Variants in ZAN observed in about 807,000 individuals in gnomAD.
ZAN encodes the protein zonadhesin, also known as zonadhesin (gene/pseudogene).
ZAN carries 260 observed loss-of-function variants against 286.2 expected under a neutral mutation model. The ratio of observed to expected loss-of-function variants is 0.91; its 90% confidence interval spans 0.82 to 1.01. The LOEUF (loss-of-function observed/expected upper bound fraction) is 1.01. Among genes scored for constraint, ZAN ranks in the 50% least tolerant of loss-of-function variants. The probability of loss-of-function intolerance (pLI) is 0.00; values close to 1 mark genes in which losing one functional copy is unlikely to be tolerated. For missense variants in ZAN, 3,410 were observed against 3,639.2 expected (o/e 0.94, Z 1.62); for synonymous variants, 1,368 against 1,417.5 (o/e 0.97, Z 0.79).
Position 100,779,709 on chromosome 7 carries a change from AG to A in ZAN, c.6585del (p.Leu2196SerfsTer61). On this transcript the variant is annotated frameshift_variant, in exon 35 of 48. Coordinates refer to ENST00000613979, the MANE Select transcript of ZAN (RefSeq NM_003386.3). LOFTEE classifies it high-confidence loss of function. ...GCCTTCGGGGCCACCTGCCAGAGCC[AG>A]GGGCTCAAGCCCCCACTCTGGAGAA... ...LQAFGATCQS[Q>X]GLKPPLWRNS... 1.3e-6 allele frequency: 2 copies of A among 1,557,578 alleles called. No individual in the cohort carries two copies. The highest frequency in any genetic ancestry group is 1.9e-5 in the Admixed American group (1 of 51,726).
intron 22 of ZAN, 144 bp from the exon 23 acceptor site, chr7:100,765,208 G>T: frequency 1.0e-6 from 1 of 967,498 alleles, no homozygotes; most frequent in Non-Finnish European, 1.5e-6. Context: ...CAGGCTCCTT[G>T]GGGAAGCTTC....
chr7:100,791,035 GC>G lies in ZAN; in HGVS notation c.7452del (p.Ala2485ProfsTer2). The G allele has an allele frequency of 6.2e-7, 1 of 1,613,092 alleles. No individual in the cohort carries two copies. The highest frequency in any genetic ancestry group is 1.1e-5 in the South Asian group (1 of 90,796). ...NRKNDMMLPS[G>X]ALTQNLNTFG... ...AAGAATGACATGATGCTGCCCAGTG[GC>G]GCCCTGACCCAGAACCTCAACACCT... On this transcript the variant is annotated frameshift_variant, in exon 40 of 48. Coordinates refer to ENST00000613979, the MANE Select transcript of ZAN (RefSeq NM_003386.3). LOFTEE classifies it high-confidence loss of function.
At chr7:100,738,727 C>G in intron 7 of ZAN, 114 bp downstream of exon 7, 1 of 1,174,410 alleles carries the variant, frequency 8.5e-7, no homozygotes, top group South Asian at 1.5e-5. Context: ...CTTACCAGCT[C>G]AAGTTTCACG....
At chr7:100,767,307 C>T (rs1810054048) in intron 25 of ZAN, 50 bp downstream of exon 25, 1 of 1,570,510 alleles carries the variant, frequency 6.4e-7, no homozygotes, top group Non-Finnish European at 8.6e-7. Context: ...AGCCTGCTTG[C>T]TTCTCTCCTG....
At position 100,750,688 on chromosome 7, in the gene ZAN, T is replaced by G; in HGVS notation, c.1313T>G (p.Val438Gly). The G allele has an allele frequency of 6.2e-7, 1 of 1,613,282 alleles. No individual in the cohort carries two copies. The highest frequency in any genetic ancestry group is 8.5e-7 in the Non-Finnish European group (1 of 1,179,640). ...CAGGCAGGCCAGTCAGTCAGACTGG[T>G]GAGCCGGCCCTTCTGCGCCCCAGGT... is the stretch of plus-strand genomic sequence containing the variant. ...FSQAGQSVRL[V>G]SRPFCAPGDI... The change falls in exon 12 of 48, where the codon GTG becomes GGG. Residue 438 changes from valine (V) to glycine (G), a missense_variant. Physicochemically the swap from Val to Gly is moderately radical, Grantham distance 109. Around this residue, in one of 7 missense-constraint regions of ZAN, gnomAD observed 872 missense variants for 938.9 expected, o/e 0.93. Coordinates refer to ENST00000613979, the MANE Select transcript of ZAN (RefSeq NM_003386.3).
rs1448121305 is a variant in ZAN, at chr7:100,763,980, TCTACCCC to T, written c.4098-44_4098-38del. The T allele has an allele frequency of 1.2e-6, 2 of 1,613,732 alleles. No individual in the cohort carries two copies. Among genetic ancestry groups the T allele is most frequent in the Admixed American group, 3.3e-5 (2 of 60,018 alleles). On this transcript the variant is annotated intron_variant, in intron 21 of 47. Coordinates refer to ENST00000613979, the MANE Select transcript of ZAN (RefSeq NM_003386.3). This position sits in a 1 kb window ranked among gnomAD's most constrained non-coding sequence, Gnocchi z 4.6. ...CTTGGCACCTGGGCTCCTCCAAGGC[TCTACCCC>T]CTTCCACTGCATTCCCCCTGACTTG...
intron 7 of ZAN, among the ~76,000 whole-genome samples, chr7:100,745,358 CCTTGGACTCGGGCGTGAG>C (rs1364315796): frequency 6.6e-6 from 1 of 151,736 alleles, no homozygotes; most frequent in Non-Finnish European, 1.5e-5. Flanking sequence ...GGCAAGACTC[CCTTGGACTCGGGCGTGAG>C]CACGCACGCG....
chr7:100,790,436 C>G lies in ZAN; in HGVS notation c.7358-506C>G, dbSNP rs1484029294. On this transcript the variant is annotated intron_variant, in intron 39 of 47. Coordinates refer to ENST00000613979, the MANE Select transcript of ZAN (RefSeq NM_003386.3). ...AATTAGCCAGGTGTGTTGGCGGGCA[C>G]CTATAGTCCCAGCTACTCGTGAGGC... 4.0e-5 allele frequency among the ~76,000 whole-genome samples: 6 copies of G among 151,526 alleles called. No homozygotes were observed. In the East Asian group the frequency reaches 1.2e-3, roughly 30 times the overall value.
chr7:100,792,016 CG>C lies in ZAN; in HGVS notation c.7583del (p.Gly2528AlafsTer141). 6.2e-7 allele frequency: 1 copy of C among 1,613,012 alleles called. No individual in the cohort carries two copies. The highest frequency in any genetic ancestry group is 1.1e-5 in the South Asian group (1 of 90,976). On this transcript the variant is annotated frameshift_variant, in exon 41 of 48. Coordinates refer to ENST00000613979, the MANE Select transcript of ZAN (RefSeq NM_003386.3). LOFTEE classifies it high-confidence loss of function. ...CAAGGGGCGGAGCTGGGCCTCCGCA[CG>C]GGCCTCCAAGTGTCCGAATGTAGCC... is the stretch of plus-strand genomic sequence containing the variant. ...EGQGAELGLR[T>X]GLQVSECSPE... is the part of the protein sequence containing the mutation.
At chr7:100,797,321 T>C in intron 45 of ZAN, 45 bp from the exon 46 acceptor site, 1 of 1,591,118 alleles carries the variant, frequency 6.3e-7, no homozygotes, top group Middle Eastern at 1.9e-4. Context: ...TCCCCACCCT[T>C]CCCGTCTCAC....
At chr7:100,791,325 C>G (rs1035057705) in intron 40 of ZAN, among the ~76,000 whole-genome samples, 1 of 152,074 alleles carries the variant, frequency 6.6e-6, no homozygotes, top group African/African-American at 2.4e-5. Context: ...CTGCCCTCAG[C>G]CTGCCTTCCC....
intron 45 of ZAN, among the ~76,000 whole-genome samples, chr7:100,795,914 T>TA (rs886988049): frequency 1.4e-5 from 2 of 142,380 alleles, no homozygotes; most frequent in African/African-American, 5.3e-5. Context: ...TAAAAAAAAA[T>TA]AAAAAAATAA....
chr7:100,775,286 C>T (rs2116156999), intron 31 of ZAN, 42 bp from the exon 32 acceptor site: 1 of 1,599,502 alleles, frequency 6.3e-7, no homozygotes, highest in Non-Finnish European at 8.5e-7. Context: ...CCTGTACCTG[C>T]CAGAGGAGCG....
Position 100,763,978 on chromosome 7 carries a change from G to C in ZAN, c.4098-49G>C. The stretch of plus-strand genomic sequence containing the variant: ...TGCTTGGCACCTGGGCTCCTCCAAG[G>C]CTCTACCCCCTTCCACTGCATTCCC... On this transcript the variant is annotated intron_variant, in intron 21 of 47. Transcript: ENST00000613979. This position sits in a 1 kb window ranked among gnomAD's most constrained non-coding sequence, Gnocchi z 4.6. 1 of 1,613,708 alleles carries C rather than the reference G, an allele frequency of 6.2e-7. No individual in the cohort carries two copies. Among genetic ancestry groups the C allele is most frequent in the Non-Finnish European group, 8.5e-7 (1 of 1,179,752 alleles).
In ZAN at chr7:100,738,368, T is replaced by C. The variant is rs972336976; in HGVS notation, c.614-93T>C. The C allele has an allele frequency of 3.1e-5, 38 of 1,219,502 alleles. 6 individuals are homozygous for C. Among genetic ancestry groups the C allele is most frequent in the Middle Eastern group, 1.9e-4 (1 of 5,342 alleles). 75.5% of individuals were successfully genotyped at this position (1,219,502 alleles called of 1,614,324 possible). A position where few individuals can be genotyped will look rare whatever the true frequency, so the allele number is the denominator to read the frequency against. The stretch of plus-strand genomic sequence containing the variant: ...AGGAGTTCGAGGCCGCAGTGAGCTA[T>C]GATCACACCACTGTACTCTAGCCTG... On this transcript the variant is annotated intron_variant, in intron 6 of 47. Coordinates refer to ENST00000613979, the MANE Select transcript of ZAN (RefSeq NM_003386.3).
intron 31 of ZAN, among the ~76,000 whole-genome samples, chr7:100,774,114 C>T (rs184008994): frequency 1.6e-4 from 24 of 152,316 alleles, no homozygotes; most frequent in Non-Finnish European, 1.0e-4. Flanking sequence ...TGGGGCCAGA[C>T]GCCATGGCTC....
intron 8 of ZAN, 140 bp downstream of exon 8, chr7:100,746,842 T>C: frequency 6.3e-6 from 7 of 1,114,194 alleles, no homozygotes; most frequent in South Asian, 3.3e-5. Context: ...GTGGAAATCA[T>C]GGCTGGGAGG....
chr7:100,791,818 C>A lies in ZAN; in HGVS notation c.7530-148C>A, dbSNP rs1028882556. 4.3e-6 allele frequency: 4 copies of A among 933,620 alleles called. No homozygotes were observed. The African/African-American group carries it at 6.7e-5, about 16-fold the overall frequency. The allele number at this position is 933,620 out of a possible 1,614,324, so 57.8% of individuals were successfully genotyped here. A position where few individuals can be genotyped will look rare whatever the true frequency, so the allele number is the denominator to read the frequency against. On this transcript the variant is annotated intron_variant, in intron 40 of 47. Coordinates refer to ENST00000613979, the MANE Select transcript of ZAN (RefSeq NM_003386.3). ...TCTTGGCTCACTGCAGTTTCCACCT[C>A]CTGGGCTCAAGTCATCCTCCTGCCT...
At chr7:100,773,981 G>A in intron 31 of ZAN, 116 bp downstream of exon 31, 1 of 1,411,800 alleles carries the variant, frequency 7.1e-7, no homozygotes. Context: ...TGGTAACTCT[G>A]CTGCAACCAA....
Sources: gnomAD v4.1 joint callset for allele counts (sites outside exome capture counted in the v4.1 genomes callset) on GRCh38, gnomAD v4.1.1 for gene constraint, gnomAD v4.1.1 regional missense constraint, Gnocchi (gnomAD v3.1) non-coding constraint, MANE v1.5 for transcripts, NCBI Gene and HGNC (gene_info 2026-07-23, HGNC 2026-07-21) for gene names.